Variants in CNTN3 observed in about 807,000 individuals in gnomAD.
CNTN3 encodes contactin-3.
A neutral mutation model predicts 119.1 loss-of-function variants in CNTN3; 60 were observed. The ratio of observed to expected loss-of-function variants is 0.50; its 90% CI spans 0.41 to 0.62. The LOEUF (loss-of-function observed/expected upper bound fraction) is 0.62. Ranked by LOEUF, CNTN3 falls within the 20% of genes least tolerant of loss-of-function variation. The pLI is 0.00. For missense variants in CNTN3, 1,101 were observed against 1,242.4 expected (o/e 0.89, Z 1.71); for synonymous variants, 450 against 438.7 (o/e 1.03, Z -0.32).
chr3:74,432,536 CAA>C (rs1701801575), intron 4 of CNTN3, among the ~76,000 whole-genome samples: 1 of 152,166 alleles, frequency 6.6e-6, no homozygotes. Flanking sequence ...GTTTCACAAT[CAA>C]GTGGTAAAGT....
rs760858878 is a variant in CNTN3 at position 74,298,037 on chromosome 3, T to C, written c.2321A>G (p.Tyr774Cys). 1 of 1,614,098 alleles carries C rather than the reference T, an allele frequency of 6.2e-7. No homozygotes were observed. The highest frequency in any genetic ancestry group is 8.5e-7 in the Non-Finnish European group (1 of 1,179,978). ...ATTATAAACACCCACTTTAACTTCA[T>C]ATGGTGAATATGGCACGATGCTTTC... Reference protein sequence around the residue: ...RNESIVPYSPYEVKVGVYNNK... With the variant: ...RNESIVPYSPCEVKVGVYNNK... The change falls in exon 18 of 23, where the codon TAT becomes TGT. Residue 774 changes from tyrosine (Y) to cysteine (C), a missense_variant. By Grantham distance (194) the Tyr-to-Cys change is radical. Coordinates refer to ENST00000263665, the MANE Select transcript of CNTN3 (RefSeq NM_020872.3).
intron 4 of CNTN3, among the ~76,000 whole-genome samples, chr3:74,441,705 A>G (rs1701969400): frequency 6.6e-6 from 1 of 152,194 alleles, no homozygotes; most frequent in African/African-American, 2.4e-5. Context: ...GTTGGAATAA[A>G]TGTACCAACT....
rs575221698 is a variant in CNTN3 at position 74,435,025 on chromosome 3, G to A, written c.359-10085C>T. Among the ~76,000 whole-genome samples, 6 of 152,056 alleles carry A rather than the reference G, an allele frequency of 3.9e-5. No individual in the cohort carries two copies. The South Asian group carries it at 1.2e-3, about 32-fold the overall frequency. On this transcript the variant is annotated intron_variant, in intron 4 of 22. Coordinates refer to ENST00000263665, the MANE Select transcript of CNTN3 (RefSeq NM_020872.3). ...ACTTCCCTGTTGTTATTCTCTCAAA[G>A]ACTCCCACAACCAGTTTGGCTCTTT... is the stretch of plus-strand genomic sequence containing the variant.
At chr3:74,608,265 C>T (rs960640696) in intron 1 of CNTN3, among the ~76,000 whole-genome samples, 2 of 152,146 alleles carry the variant, frequency 1.3e-5, no homozygotes, top group Non-Finnish European at 2.9e-5. Flanking sequence ...AGACTATTCT[C>T]GGCTCTATGA....
At chr3:74,308,410 C>T (rs1476931815) in intron 13 of CNTN3, among the ~76,000 whole-genome samples, 1 of 152,080 alleles carries the variant, frequency 6.6e-6, no homozygotes, top group Non-Finnish European at 1.5e-5. Flanking sequence ...TTCTTGGGTA[C>T]CAATAAACTG....
At chr3:74,582,783 T>TTGTGTG (rs60306845) in intron 1 of CNTN3, among the ~76,000 whole-genome samples, 3,580 of 145,062 alleles carry the variant, frequency 0.025, 136 homozygotes, top group African/African-American at 0.083. Context: ...GTGTATGCAT[T>TTGTGTG]TGTGTGTGTG....
At chr3:74,376,148 G>C (rs1704469938) in intron 5 of CNTN3, among the ~76,000 whole-genome samples, 1 of 152,194 alleles carries the variant, frequency 6.6e-6, no homozygotes, top group Admixed American at 6.5e-5. Flanking sequence ...ACAAAGCCCT[G>C]CTGACACCTT....
chr3:74,428,317 G>C (rs1164958077), intron 4 of CNTN3, among the ~76,000 whole-genome samples: 1 of 151,982 alleles, frequency 6.6e-6, no homozygotes, highest in Non-Finnish European at 1.5e-5. Context: ...TCCTTCAGGA[G>C]TTTTTCAGAA....
chr3:74,589,099 G>A (rs1308115899), intron 1 of CNTN3, among the ~76,000 whole-genome samples: 3 of 150,516 alleles, frequency 2.0e-5, no homozygotes, highest in Non-Finnish European at 4.5e-5. Context: ...AGCCAAAATT[G>A]ACAAATGGGA....
chr3:74,503,541 C>T (rs1703202151), intron 2 of CNTN3, among the ~76,000 whole-genome samples: 1 of 152,100 alleles, frequency 6.6e-6, no homozygotes, highest in African/African-American at 2.4e-5. Context: ...TAGTCTCTTG[C>T]CAGCAATATA....
intron 4 of CNTN3, among the ~76,000 whole-genome samples, chr3:74,442,134 A>C: frequency 6.9e-6 from 1 of 144,418 alleles, no homozygotes; most frequent in East Asian, 2.1e-4. Context: ...CAAACAGGTA[A>C]GTGCATGCAA....
intron 5 of CNTN3, among the ~76,000 whole-genome samples, chr3:74,382,001 G>A (rs1704634431): frequency 6.6e-6 from 1 of 152,068 alleles, no homozygotes; most frequent in Admixed American, 6.5e-5. Context: ...CTGTGGTCGG[G>A]AGTTTGAGAT....
intron 4 of CNTN3, among the ~76,000 whole-genome samples, chr3:74,444,257 G>A (rs1267605117): frequency 6.6e-6 from 1 of 151,920 alleles, no homozygotes; most frequent in African/African-American, 2.4e-5. Flanking sequence ...GAGGCATTGG[G>A]GGAGGACTTC....
intron 5 of CNTN3, among the ~76,000 whole-genome samples, chr3:74,388,471 T>C (rs1229963599): frequency 2.0e-5 from 3 of 152,076 alleles, no homozygotes; most frequent in East Asian, 1.9e-4. Flanking sequence ...GAGGTTTCCA[T>C]AGCTGTTAAA....
intron 4 of CNTN3, among the ~76,000 whole-genome samples, chr3:74,453,173 G>C (rs1019630902): frequency 6.6e-6 from 1 of 151,954 alleles, no homozygotes; most frequent in Non-Finnish European, 1.5e-5. Flanking sequence ...GTAAGCTGTT[G>C]ATTATTGCCA....
intron 1 of CNTN3, among the ~76,000 whole-genome samples, chr3:74,552,160 C>G (rs1575824476): frequency 6.6e-6 from 1 of 152,106 alleles, no homozygotes; most frequent in Admixed American, 6.6e-5. Flanking sequence ...TAATATTCCA[C>G]TTTATGGTTG....
chr3:74,415,703 A>G (rs150694666), intron 5 of CNTN3, among the ~76,000 whole-genome samples: 119 of 152,302 alleles, frequency 7.8e-4, no homozygotes, highest in Non-Finnish European at 1.5e-3. Context: ...TACAGAAATG[A>G]GAGCTGGGGA....
At chr3:74,594,001 G>T (rs537573603) in intron 1 of CNTN3, among the ~76,000 whole-genome samples, 17 of 152,040 alleles carry the variant, frequency 1.1e-4, no homozygotes, top group Admixed American at 3.3e-4. Context: ...GGGGATTGAA[G>T]ATGTAGGCAG....
intron 3 of CNTN3, among the ~76,000 whole-genome samples, chr3:74,487,281 T>C (rs1290546762): frequency 2.0e-5 from 3 of 152,138 alleles, no homozygotes; most frequent in Non-Finnish European, 4.4e-5. Context: ...AAGCTGGTTT[T>C]TAAATAAGAG....
Sources: gnomAD v4.1 joint callset for allele counts (sites outside exome capture counted in the v4.1 genomes callset) on GRCh38, gnomAD v4.1.1 for gene constraint, MANE v1.5 for transcripts, NCBI Gene and HGNC (gene_info 2026-07-23, HGNC 2026-07-21) for gene names.